Variants in F8 observed in about 807,000 individuals in gnomAD.
F8 encodes the protein coagulation factor VIII.
A neutral mutation model predicts 140.6 loss-of-function variants in F8; 12 were observed. The observed-to-expected ratio is 0.09, with a 90% confidence interval of 0.05 to 0.14. The LOEUF is 0.14. Among genes scored for constraint, F8 ranks in the 10% least tolerant of loss-of-function variants. The pLI, the probability that F8 is intolerant of heterozygous loss-of-function variation, is 1.00. For synonymous variants in F8, 585 were observed against 614.6 expected (o/e 0.95, Z 0.71); for missense variants, 1,354 against 1,720.7 (o/e 0.79, Z 3.77).
At chrX:154,848,204 G>A (rs1251495792) in intron 25 of F8, among the ~76,000 whole-genome samples, 3 of 112,841 alleles carry the variant, frequency 2.7e-5, no homozygotes, top group Non-Finnish European at 5.6e-5. Context: ...CTACTGGGGC[G>A]TGCCTCCCAG....
At chrX:154,991,285 T>C (rs1320924674) in intron 4 of F8, among the ~76,000 whole-genome samples, 1 of 112,316 alleles carries the variant, frequency 8.9e-6, no homozygotes, top group Non-Finnish European at 1.9e-5. Flanking sequence ...GAGCTCTCTT[T>C]GCAACATAGT....
At chrX:155,019,840 T>C (rs1384293050) in intron 1 of F8, among the ~76,000 whole-genome samples, 1 of 111,196 alleles carries the variant, frequency 9.0e-6, no homozygotes, top group Non-Finnish European at 1.9e-5. Flanking sequence ...TTATCTCTAT[T>C]TGGTACTAAG....
intron 14 of F8, among the ~76,000 whole-genome samples, 177 bp downstream of exon 14, chrX:154,928,394 T>A (rs2073171235): frequency 8.9e-6 from 1 of 112,028 alleles, no homozygotes; most frequent in Non-Finnish European, 1.9e-5. Context: ...TCCCCATTGC[T>A]CCTTCTTGTC....
intron 14 of F8, among the ~76,000 whole-genome samples, chrX:154,922,604 C>A (rs2073138391): frequency 8.9e-6 from 1 of 111,790 alleles, no homozygotes; most frequent in Admixed American, 9.5e-5. Flanking sequence ...TCAGGGAAAG[C>A]CTCACTGATA....
chrX:154,949,423 CT>C (rs2073325047), intron 12 of F8, among the ~76,000 whole-genome samples: 1 of 112,177 alleles, frequency 8.9e-6, no homozygotes, highest in African/African-American at 3.2e-5. Flanking sequence ...GTATTTGGTT[CT>C]GAGGGCTATC....
At chrX:154,844,196 G>T (rs782406733) in intron 25 of F8, among the ~76,000 whole-genome samples, 252 of 111,302 alleles carry the variant, frequency 2.3e-3, no homozygotes, top group Admixed American at 0.02. Flanking sequence ...TACTGTAGCC[G>T]TGTAGTATAG....
chrX:155,017,265 T>G (rs2073738658), intron 1 of F8, among the ~76,000 whole-genome samples: 1 of 111,914 alleles, frequency 8.9e-6, no homozygotes, highest in South Asian at 3.7e-4. Flanking sequence ...CACTAAGGAG[T>G]GCAGCCCTAT....
intron 22 of F8, among the ~76,000 whole-genome samples, chrX:154,868,508 T>A (rs1310559430): frequency 9.0e-6 from 1 of 111,479 alleles, no homozygotes; most frequent in Non-Finnish European, 1.9e-5. Flanking sequence ...AGGGATTTTG[T>A]CACCATCAGA....
intron 14 of F8, among the ~76,000 whole-genome samples, chrX:154,912,933 C>G (rs977365009): frequency 1.2e-4 from 13 of 110,550 alleles, no homozygotes; most frequent in African/African-American, 4.0e-4. Context: ...TACTCACTGT[C>G]ATGAGAACAG....
At chrX:154,933,227 T>G (rs1557278969) in intron 13 of F8, among the ~76,000 whole-genome samples, 1 of 112,168 alleles carries the variant, frequency 8.9e-6, no homozygotes, top group Non-Finnish European at 1.9e-5. Flanking sequence ...AAATAAAAAT[T>G]AAGAAATTTC....
intron 1 of F8, among the ~76,000 whole-genome samples, chrX:155,008,803 C>T (rs1420661505): frequency 9.2e-6 from 1 of 108,776 alleles, no homozygotes; most frequent in Non-Finnish European, 1.9e-5. Flanking sequence ...TTCCCAGCGC[C>T]GACTCTGCCC....
In F8 at chrX:154,930,048, A is replaced by G; in HGVS notation, c.3742T>C (p.Leu1248=). 1 of 1,211,651 alleles carries G rather than the reference A, an allele frequency of 8.3e-7. No individual in the cohort carries two copies. Among genetic ancestry groups the G allele is most frequent in the African/African-American group, 1.7e-5 (1 of 57,911 alleles). ...GTKNFMKNLF[L]LSTRQNVEGS... is the part of the protein sequence containing the mutation. ...TCTACATTTTGCCTAGTGCTCAGTA[A>G]GAAAAGGTTCTTCATGAAATTCTTA... The change falls in exon 14 of 26, where the codon TTA becomes CTA. Residue 1248 remains leucine, a synonymous_variant. Coordinates refer to ENST00000360256, the MANE Select transcript of F8 (RefSeq NM_000132.4).
At chrX:154,849,167 G>A (rs1475358994) in intron 25 of F8, among the ~76,000 whole-genome samples, 14 of 109,337 alleles carry the variant, frequency 1.3e-4, no homozygotes, top group African/African-American at 4.0e-4. Flanking sequence ...TAGTAGAGAC[G>A]GGGTTTCACC....
At position 154,976,285 on chromosome X, in the gene F8, G is replaced by A. The variant is rs187713303; in HGVS notation, c.788-6733C>T. Among the ~76,000 whole-genome samples the A allele has an allele frequency of 2.7e-5, 3 of 111,379 alleles. No homozygotes were observed. The Admixed American group carries it at 2.9e-4, about 11-fold the overall frequency. ...GCTTTCTTTTTGTTTACATGTGCAT[G>A]GAATATCTGTTTCTATCCCTTCGCT... is the stretch of plus-strand genomic sequence containing the variant. On this transcript the variant is annotated intron_variant, in intron 6 of 25. Coordinates refer to ENST00000360256, the MANE Select transcript of F8 (RefSeq NM_000132.4).
At chrX:154,875,099 C>T (rs1489533792) in intron 22 of F8, among the ~76,000 whole-genome samples, 1 of 111,673 alleles carries the variant, frequency 9.0e-6, no homozygotes, top group African/African-American at 3.3e-5. Flanking sequence ...AAATATTATG[C>T]TAAGTGTAAT....
rs35295375 is a variant in F8 at position 154,930,843 on chromosome X, C to T, written c.2947G>A (p.Val983Ile). Reference sequence around the variant, plus strand: ...AACCTACCACTCTCTGTTGACGATACATTTTTTCCCCATGAACTTTCTTGG... The same window carrying T: ...AACCTACCACTCTCTGTTGACGATATATTTTTTCCCCATGAACTTTCTTGG... ...NSQESSWGKN[V>I]SSTESGRLFK... Residue 983 changes from valine (V) to isoleucine (I), a missense_variant, in exon 14 of 26, where the codon GTA (valine) becomes ATA (isoleucine). This residue lies in a region of F8 where 658 missense variants were observed against 666.5 expected (regional missense o/e 0.99). Coordinates refer to ENST00000360256, the MANE Select transcript of F8 (RefSeq NM_000132.4). The T allele has an allele frequency of 3.5e-4, 421 of 1,206,380 alleles. 1 individual carries two copies. The African/African-American group carries it at 6.6e-3, about 19-fold the overall frequency.
At chrX:154,838,268 A>T (rs1212961520) in intron 25 of F8, among the ~76,000 whole-genome samples, 1 of 111,997 alleles carries the variant, frequency 8.9e-6, no homozygotes, top group Admixed American at 9.5e-5. Flanking sequence ...AGAAGAGAGA[A>T]AGAAGTGGGA....
intron 13 of F8, among the ~76,000 whole-genome samples, chrX:154,942,332 G>T (rs1287514852): frequency 2.7e-5 from 3 of 110,552 alleles, no homozygotes; most frequent in African/African-American, 9.9e-5. Context: ...TGATAAAGGG[G>T]ATATCACCAC....
chrX:154,907,663 C>T lies in F8; in HGVS notation c.5220-1090G>A, dbSNP rs782168167. ...AGCATCTTTTCTTATGAGTAGCAGT[C>T]ATTTGGATGTCCTCTTTTGTGGAGC... On this transcript the variant is annotated intron_variant, in intron 14 of 25. Coordinates refer to ENST00000360256, the MANE Select transcript of F8 (RefSeq NM_000132.4). 7.1e-4 allele frequency among the ~76,000 whole-genome samples: 79 copies of T among 112,005 alleles called. 1 individual carries two copies. The highest frequency in any genetic ancestry group is 2.5e-3 in the African/African-American group (78 of 30,886).
Sources: allele counts gnomAD v4.1 joint callset (sites outside exome capture counted in the v4.1 genomes callset), GRCh38; gene constraint gnomAD v4.1.1; regional missense constraint gnomAD v4.1.1; transcripts MANE v1.5; gene names NCBI Gene and HGNC (gene_info 2026-07-23, HGNC 2026-07-21).